Variants in TRPC4 observed in about 807,000 individuals in gnomAD.
TRPC4 encodes the protein short transient receptor potential channel 4.
In TRPC4, 49 loss-of-function variants were observed where a neutral mutation model predicts 99.4. The observed-to-expected ratio is 0.49, with a 90% confidence interval of 0.39 to 0.63. The LOEUF (loss-of-function observed/expected upper bound fraction) is 0.63, where lower values mean the gene tolerates loss of function less well. Ranked by LOEUF, TRPC4 falls within the 20% of genes least tolerant of loss-of-function variation. The probability of loss-of-function intolerance (pLI) is 0.00; values close to 1 mark genes in which losing one functional copy is unlikely to be tolerated. For synonymous variants in TRPC4, 454 were observed against 425.9 expected (o/e 1.07, Z -0.81); for missense variants, 898 against 1,152.9 (o/e 0.78, Z 3.20).
intron 1 of TRPC4, among the ~76,000 whole-genome samples, chr13:37,797,640 AC>A (rs1258928809): frequency 6.6e-6 from 1 of 152,158 alleles, no homozygotes; most frequent in Admixed American, 6.6e-5. Context: ...TCTACACTGA[AC>A]TCAGACATCA....
chr13:37,803,150 T>G (rs573433142), intron 1 of TRPC4, among the ~76,000 whole-genome samples: 6 of 152,054 alleles, frequency 3.9e-5, no homozygotes, highest in Non-Finnish European at 8.8e-5. Flanking sequence ...TTTCATCCTT[T>G]TTATTTTTTA....
chr13:37,798,820 A>G (rs1235607964), intron 1 of TRPC4, among the ~76,000 whole-genome samples: 1 of 152,198 alleles, frequency 6.6e-6, no homozygotes. Context: ...TGAAGGTAAC[A>G]AATATTATAC....
chr13:37,724,559 A>T (rs1296938934), intron 3 of TRPC4, among the ~76,000 whole-genome samples: 2 of 152,136 alleles, frequency 1.3e-5, no homozygotes, highest in African/African-American at 4.8e-5. Context: ...AAGAAGGATT[A>T]GCAAATATTT....
chr13:37,869,453 T>C (rs928330068), intron 1 of TRPC4, 142 bp downstream of exon 1: 1 of 152,172 alleles, frequency 6.6e-6, no homozygotes, highest in Non-Finnish European at 1.5e-5. Context: ...CAGAACCTTT[T>C]GAACTCCTAA....
In TRPC4 at chr13:37,651,383, G is replaced by A; in HGVS notation, c.1961C>T (p.Pro654Leu). 6.2e-7 allele frequency: 1 copy of A among 1,614,058 alleles called. No homozygotes were observed. The highest frequency in any genetic ancestry group is 8.5e-7 in the Non-Finnish European group (1 of 1,179,944). Residue 654 changes from proline to leucine, a missense_variant, in exon 8 of 11, where the codon CCT becomes CTT. This residue lies in a region of TRPC4 where 274 missense variants were observed against 454.9 expected (regional missense o/e 0.60). Transcript: ENST00000379705. ...MSYFEEGGTL[P>L]TPFNVIPSPK... The stretch of plus-strand genomic sequence containing the variant: ...GCTCGGGATGACATTGAAGGGAGTA[G>A]GCAGAGTACCTCCTTCTTCAAAATA...
At chr13:37,797,008 A>AAAGTAAAGTAAAG (rs1566178222) in intron 1 of TRPC4, among the ~76,000 whole-genome samples, 2 of 94,460 alleles carry the variant, frequency 2.1e-5, no homozygotes, top group African/African-American at 9.1e-5. Flanking sequence ...GTAAAGTAAA[A>AAAGTAAAGTAAAG]TAAAATAAAA....
chr13:37,667,151 A>G (rs1952671601), intron 5 of TRPC4, among the ~76,000 whole-genome samples: 1 of 152,186 alleles, frequency 6.6e-6, no homozygotes, highest in Non-Finnish European at 1.5e-5. Context: ...AAATCCCAGC[A>G]TCTAAACCCA....
At chr13:37,671,425 A>G (rs991746879) in intron 5 of TRPC4, among the ~76,000 whole-genome samples, 2 of 152,160 alleles carry the variant, frequency 1.3e-5, no homozygotes, top group African/African-American at 4.8e-5. Context: ...GTCCCATACC[A>G]TACAGATTGA....
chr13:37,822,027 T>C (rs557428409), intron 1 of TRPC4, among the ~76,000 whole-genome samples: 2 of 152,096 alleles, frequency 1.3e-5, no homozygotes, highest in African/African-American at 4.8e-5. Context: ...ACAGACAACC[T>C]ACAGAATGGG....
At chr13:37,785,764 T>C (rs1349023221) in intron 1 of TRPC4, among the ~76,000 whole-genome samples, 1 of 152,118 alleles carries the variant, frequency 6.6e-6, no homozygotes, top group Non-Finnish European at 1.5e-5. Context: ...GAACAGCATT[T>C]TATTTCTCAT....
intron 1 of TRPC4, among the ~76,000 whole-genome samples, chr13:37,839,140 C>G (rs79922619): frequency 3.3e-5 from 5 of 152,274 alleles, no homozygotes; most frequent in African/African-American, 1.2e-4. Context: ...ACTGCTAGGG[C>G]AGTACCAAGA....
intron 4 of TRPC4, among the ~76,000 whole-genome samples, chr13:37,688,838 T>C (rs1006475648): frequency 2.0e-5 from 3 of 152,066 alleles, no homozygotes; most frequent in Non-Finnish European, 4.4e-5. Context: ...GGGACACACT[T>C]ATAAGCCACA....
At chr13:37,819,859 T>C (rs1957964806) in intron 1 of TRPC4, among the ~76,000 whole-genome samples, 1 of 149,202 alleles carries the variant, frequency 6.7e-6, no homozygotes, top group African/African-American at 2.5e-5. Context: ...GATGTCAAAT[T>C]AACAACCTAA....
Position 37,649,731 on chromosome 13 carries a change from C to CAAAAAAAA in TRPC4, c.2079+1526_2079+1533dup, listed in dbSNP as rs775364702. On this transcript the variant is annotated intron_variant, in intron 8 of 10. Coordinates refer to ENST00000379705, the MANE Select transcript of TRPC4 (RefSeq NM_016179.4). Reference sequence around the variant, plus strand: ...TGGGCAACTGAGCGAGACTCCGTCTCAAAAAAAAAAAAAAAAAAAAAAAAA... The same window carrying CAAAAAAAA: ...TGGGCAACTGAGCGAGACTCCGTCTCAAAAAAAAAAAAAAAAAAAAAAAAAAAAAAAAA... 1.1e-3 allele frequency among the ~76,000 whole-genome samples: 67 copies of CAAAAAAAA among 62,698 alleles called. 3 individuals carry two copies. In the East Asian group the frequency reaches 0.017, roughly 16 times the overall value. 41.1% of individuals were successfully genotyped at this position (62,698 alleles called of 152,430 possible).
intron 4 of TRPC4, among the ~76,000 whole-genome samples, chr13:37,688,489 A>G (rs1056441169): frequency 1.3e-5 from 2 of 152,198 alleles, no homozygotes; most frequent in Non-Finnish European, 2.9e-5. Context: ...AATTGGTTTG[A>G]AAGGTTAGGC....
At chr13:37,810,114 A>C (rs1957633453) in intron 1 of TRPC4, among the ~76,000 whole-genome samples, 1 of 152,126 alleles carries the variant, frequency 6.6e-6, no homozygotes, top group African/African-American at 2.4e-5. Context: ...TGGATTTTAC[A>C]ATGATGGTTT....
At chr13:37,854,675 C>A (rs1054552235) in intron 1 of TRPC4, among the ~76,000 whole-genome samples, 1 of 151,992 alleles carries the variant, frequency 6.6e-6, no homozygotes, top group Admixed American at 6.6e-5. Flanking sequence ...TCAGTATTGT[C>A]ATCAATTTAA....
chr13:37,749,343 A>G (rs892297840), intron 2 of TRPC4, among the ~76,000 whole-genome samples: 2 of 152,138 alleles, frequency 1.3e-5, no homozygotes, highest in Non-Finnish European at 1.5e-5. Flanking sequence ...TAATTATTTT[A>G]GAGCTTACTC....
Position 37,830,359 on chromosome 13 carries a change from A to G in TRPC4, c.-28+39236T>C, listed in dbSNP as rs1958384874. Reference sequence around the variant, plus strand: ...AACATTAAAATGGTTAAGTACATGAATGAATATAAACATGTTGTTATTATT... The same window carrying G: ...AACATTAAAATGGTTAAGTACATGAGTGAATATAAACATGTTGTTATTATT... On this transcript the variant is annotated intron_variant, in intron 1 of 10. Transcript: ENST00000379705. Among the ~76,000 whole-genome samples, 6 of 152,250 alleles carry G rather than the reference A, an allele frequency of 3.9e-5. No homozygotes were observed. In the South Asian group the frequency reaches 1.2e-3, roughly 32 times the overall value.
Sources: allele counts gnomAD v4.1 joint callset (sites outside exome capture counted in the v4.1 genomes callset), GRCh38; gene constraint gnomAD v4.1.1; regional missense constraint gnomAD v4.1.1; transcripts MANE v1.5; gene names NCBI Gene and HGNC (gene_info 2026-07-23, HGNC 2026-07-21).